CUL1: variants seen among roughly 807,000 people sequenced by gnomAD.
CUL1 encodes cullin 1.
CUL1 carries 24 observed loss-of-function variants against 118.0 expected under a neutral mutation model. The ratio of observed to expected loss-of-function variants is 0.20; its 90% CI spans 0.15 to 0.29. The LOEUF (loss-of-function observed/expected upper bound fraction) is 0.29. Among genes scored for constraint, CUL1 ranks in the 10% least tolerant of loss-of-function variants. CUL1 has a pLI of 1.00. For missense variants in CUL1, 361 were observed against 933.8 expected (o/e 0.39, Z 7.99); for synonymous variants, 332 against 340.4 (o/e 0.98, Z 0.27).
intron 16 of CUL1, 23 bp from the exon 17 acceptor site, chr7:148,792,703 C>CT: frequency 1.3e-6 from 2 of 1,581,496 alleles, no homozygotes; most frequent in Non-Finnish European, 1.7e-6. Flanking sequence ...CCTTCTTTTT[C>CT]TTTTATATGG....
At chr7:148,720,555 C>T (rs942157603) in intron 1 of CUL1, among the ~76,000 whole-genome samples, 4 of 151,980 alleles carry the variant, frequency 2.6e-5, no homozygotes, top group African/African-American at 9.7e-5. Context: ...TGAGATTGCA[C>T]GCAACATGAG....
At chr7:148,753,889 A>G (rs1387981434) in intron 2 of CUL1, 87 bp from the exon 3 acceptor site, 3 of 1,000,044 alleles carry the variant, frequency 3.0e-6, no homozygotes, top group East Asian at 5.4e-5. Context: ...TTGGGAATGC[A>G]TTGGTAATGA....
Position 148,730,257 on chromosome 7 carries a change from C to G in CUL1, c.135C>G (p.Leu45=), listed in dbSNP as rs1181030499. 1 of 1,612,438 alleles carries G rather than the reference C, an allele frequency of 6.2e-7. No homozygotes were observed. The highest frequency in any genetic ancestry group is 1.7e-5 in the Admixed American group (1 of 59,714). ...TGGCCAAGTCCAGATATATGGAGCT[C>G]TACACGTATCCTCCTGCCTAGCGCA... is the stretch of plus-strand genomic sequence containing the variant. The part of the protein sequence containing the change: ...QSMAKSRYME[L]YTHVYNYCTS... Residue 45 remains leucine, a synonymous_variant, in exon 2 of 22, where the codon CTC becomes CTG. Transcript: ENST00000325222.
At chr7:148,714,028 G>A (rs941885088) in intron 1 of CUL1, among the ~76,000 whole-genome samples, 7 of 152,162 alleles carry the variant, frequency 4.6e-5, no homozygotes, top group Non-Finnish European at 1.0e-4. Context: ...CTGCATGTGT[G>A]TATATTTATA....
At chr7:148,699,895 G>C (rs1190372937) in intron 1 of CUL1, among the ~76,000 whole-genome samples, 1 of 152,126 alleles carries the variant, frequency 6.6e-6, no homozygotes, top group Non-Finnish European at 1.5e-5. Flanking sequence ...GGGGTCCCCA[G>C]ACTCGGGGGT....
chr7:148,750,025 G>A (rs1490831773), intron 2 of CUL1, among the ~76,000 whole-genome samples: 14 of 152,350 alleles, frequency 9.2e-5, no homozygotes. Flanking sequence ...CTAATCCAGA[G>A]CAAGGCCCTA....
At position 148,736,996 on chromosome 7, in the gene CUL1, G is replaced by A. The variant is rs564104383; in HGVS notation, c.140+6734G>A. Among the ~76,000 whole-genome samples, 12 of 152,272 alleles carry A rather than the reference G, an allele frequency of 7.9e-5. No individual in the cohort carries two copies. In the South Asian group the frequency reaches 1.0e-3, roughly 13 times the overall value. On this transcript the variant is annotated intron_variant, in intron 2 of 21. Coordinates refer to ENST00000325222, the MANE Select transcript of CUL1 (RefSeq NM_003592.3). ...GCTCTTCTTTGCCTTCTAGATTTTC[G>A]TATAGAGCATGCATTTAAAAGTGCA... is the stretch of plus-strand genomic sequence containing the variant.
chr7:148,723,531 A>T (rs1798462248), intron 1 of CUL1, among the ~76,000 whole-genome samples: 1 of 152,202 alleles, frequency 6.6e-6, no homozygotes, highest in Admixed American at 6.5e-5. Context: ...GGTGTTTATC[A>T]ATCACTCAAG....
At chr7:148,783,628 G>A in intron 9 of CUL1, 155 bp from the exon 10 acceptor site, 1 of 1,537,688 alleles carries the variant, frequency 6.5e-7, no homozygotes, top group Non-Finnish European at 8.7e-7. Flanking sequence ...TTTCAACGAT[G>A]GTACCAAAAG....
chr7:148,741,585 T>C (rs11978764), intron 2 of CUL1, among the ~76,000 whole-genome samples: 83,604 of 146,446 alleles, frequency 0.57, 24,790 homozygotes, highest in African/African-American at 0.74. Flanking sequence ...ACCGCAGGTG[T>C]GCATCACCAT....
intron 7 of CUL1, among the ~76,000 whole-genome samples, chr7:148,762,936 C>T (rs943643307): frequency 1.6e-4 from 24 of 152,274 alleles, no homozygotes; most frequent in African/African-American, 5.8e-4. Flanking sequence ...TGCCTGAGGT[C>T]GGGAGTTCGA....
rs150147098 is a variant in CUL1 at position 148,745,883 on chromosome 7, C to T, written c.141-8093C>T. ...GTTTCATCTCTTCAATTTAGATATA[C>T]GTTGAACCTAAATTGTCATAAGCAG... On this transcript the variant is annotated intron_variant, in intron 2 of 21. Transcript: ENST00000325222. 5.8e-3 allele frequency among the ~76,000 whole-genome samples: 877 copies of T among 152,182 alleles called. 8 individuals carry two copies. The highest frequency in any genetic ancestry group is 0.018 in the African/African-American group (765 of 41,496).
intron 2 of CUL1, among the ~76,000 whole-genome samples, chr7:148,745,163 A>G (rs1028875640): frequency 1.3e-5 from 2 of 152,054 alleles, no homozygotes; most frequent in African/African-American, 4.8e-5. Context: ...AATTTATTCT[A>G]GATTTCCTGG....
chr7:148,719,316 A>AT (rs141266329), intron 1 of CUL1, among the ~76,000 whole-genome samples: 8,416 of 152,228 alleles, frequency 0.055, 819 homozygotes, highest in African/African-American at 0.19. Flanking sequence ...GTCAAAAAAA[A>AT]AAAATAAAAT....
chr7:148,771,938 A>G (rs1800226271), intron 9 of CUL1, among the ~76,000 whole-genome samples: 1 of 152,138 alleles, frequency 6.6e-6, no homozygotes, highest in South Asian at 2.1e-4. Flanking sequence ...AAAGAATTGA[A>G]TGCCCACTGT....
chr7:148,771,336 C>T (rs1220756393), intron 9 of CUL1, among the ~76,000 whole-genome samples: 2 of 152,106 alleles, frequency 1.3e-5, no homozygotes, highest in African/African-American at 4.8e-5. Context: ...TTTTTGTGTT[C>T]GAAGTTTTAG....
At chr7:148,791,016 C>G (rs1317233448) in intron 16 of CUL1, among the ~76,000 whole-genome samples, 6 of 152,148 alleles carry the variant, frequency 3.9e-5, no homozygotes, top group Admixed American at 1.3e-4. Context: ...CAGTTAAAGT[C>G]TTTTCTCTTA....
chr7:148,740,784 G>A (rs1799116099), intron 2 of CUL1, among the ~76,000 whole-genome samples: 1 of 152,176 alleles, frequency 6.6e-6, no homozygotes, highest in Admixed American at 6.5e-5. Context: ...AAGAGGAAGA[G>A]ACACCAGAGA....
chr7:148,709,380 T>C (rs909640134), intron 1 of CUL1, among the ~76,000 whole-genome samples: 2 of 152,312 alleles, frequency 1.3e-5, no homozygotes, highest in African/African-American at 4.8e-5. Context: ...ATGTGTACAT[T>C]TTATTTTAGA....
Sources: allele counts gnomAD v4.1 joint callset (sites outside exome capture counted in the v4.1 genomes callset), GRCh38; gene constraint gnomAD v4.1.1; transcripts MANE v1.5; gene names NCBI Gene and HGNC (gene_info 2026-07-23, HGNC 2026-07-21).